The following PARD3 variants were observed in gnomAD, a reference collection of about 807,000 sequenced individuals.
The protein encoded by PARD3 is par-3 family cell polarity regulator, also known as partitioning defective 3 homolog.
In PARD3, 75 loss-of-function variants were observed where a neutral mutation model predicts 155.4. The ratio of observed to expected loss-of-function variants is 0.48; its 90% CI spans 0.40 to 0.58. The LOEUF is 0.58. PARD3 is among the 20% of genes least tolerant of loss of function. The pLI, the probability that PARD3 is intolerant of heterozygous loss-of-function variation, is 0.00. For missense variants in PARD3, 1,642 were observed against 1,721.7 expected (o/e 0.95, Z 0.82); for synonymous variants, 576 against 610.5 (o/e 0.94, Z 0.83).
intron 1 of PARD3, among the ~76,000 whole-genome samples, chr10:34,701,550 G>A (rs867652578): frequency 6.6e-6 from 1 of 152,118 alleles, no homozygotes; most frequent in African/African-American, 2.4e-5. Context: ...CAACAGAGCC[G>A]GTAAGAGGCT....
chr10:34,799,687 G>A (rs1842660086), intron 1 of PARD3, among the ~76,000 whole-genome samples: 1 of 152,134 alleles, frequency 6.6e-6, no homozygotes, highest in Non-Finnish European at 1.5e-5. Context: ...TGAAGTTAGA[G>A]TCTGCCAAAG....
chr10:34,251,673 T>C lies in PARD3; in HGVS notation c.3419+17984A>G, dbSNP rs1205397008. ...TCCCCCTCTCTCTCTCTCTCAAAAC[T>C]ATACAAGTTCTAAGAAACCTACAAG... On this transcript the variant is annotated intron_variant, in intron 22 of 24. Transcript: ENST00000374788. 3.3e-5 allele frequency among the ~76,000 whole-genome samples: 5 copies of C among 152,204 alleles called. No homozygotes were observed. In the East Asian group the frequency reaches 5.8e-4, roughly 18 times the overall value.
At chr10:34,780,358 C>T (rs1840100525) in intron 1 of PARD3, among the ~76,000 whole-genome samples, 1 of 152,116 alleles carries the variant, frequency 6.6e-6, no homozygotes, top group African/African-American at 2.4e-5. Context: ...TCTCAAAACA[C>T]GTTTGTAATG....
At chr10:34,785,650 T>C (rs1350044271) in intron 1 of PARD3, among the ~76,000 whole-genome samples, 3 of 152,072 alleles carry the variant, frequency 2.0e-5, no homozygotes, top group African/African-American at 2.4e-5. Context: ...GGTGGGAGGA[T>C]TGCCTGAGCC....
At chr10:34,730,990 A>G (rs1248699452) in intron 1 of PARD3, among the ~76,000 whole-genome samples, 1 of 152,176 alleles carries the variant, frequency 6.6e-6, no homozygotes, top group East Asian at 1.9e-4. Flanking sequence ...TAAGTACACA[A>G]CATTGTGCCC....
At chr10:34,615,984 G>T in intron 2 of PARD3, among the ~76,000 whole-genome samples, 1 of 152,162 alleles carries the variant, frequency 6.6e-6, no homozygotes, top group African/African-American at 2.4e-5. Context: ...CTCTTCTTGT[G>T]CACCCCTGGT....
At chr10:34,409,247 G>C (rs1336530106) in intron 5 of PARD3, among the ~76,000 whole-genome samples, 2 of 152,024 alleles carry the variant, frequency 1.3e-5, no homozygotes, top group Non-Finnish European at 2.9e-5. Context: ...TCTAACCACA[G>C]AGAACAACAA....
intron 22 of PARD3, among the ~76,000 whole-genome samples, chr10:34,213,710 C>T (rs1951864713): frequency 6.6e-6 from 1 of 152,012 alleles, no homozygotes; most frequent in African/African-American, 2.4e-5. Context: ...TACATGATAC[C>T]AGGGATAAAG....
intron 10 of PARD3, among the ~76,000 whole-genome samples, 165 bp downstream of exon 10, chr10:34,377,802 A>AAT: frequency 6.6e-6 from 1 of 152,160 alleles, no homozygotes; most frequent in South Asian, 2.1e-4. Flanking sequence ...ATAAAAAATA[A>AAT]CATGGAAAAT....
At chr10:34,256,161 C>T (rs1251972125) in intron 22 of PARD3, among the ~76,000 whole-genome samples, 1 of 152,218 alleles carries the variant, frequency 6.6e-6, no homozygotes, top group Non-Finnish European at 1.5e-5. Flanking sequence ...GCTAATTATT[C>T]ACTAATTCAG....
At chr10:34,550,355 G>A (rs531105924) in intron 2 of PARD3, among the ~76,000 whole-genome samples, 1 of 152,208 alleles carries the variant, frequency 6.6e-6, no homozygotes, top group Non-Finnish European at 1.5e-5. Flanking sequence ...GGGACTACAG[G>A]TGTGTACCAC....
At chr10:34,719,715 C>T (rs2133716345) in intron 1 of PARD3, among the ~76,000 whole-genome samples, 1 of 152,326 alleles carries the variant, frequency 6.6e-6, no homozygotes, top group Admixed American at 6.5e-5. Flanking sequence ...TAAAGCCAAC[C>T]AGAGATTTGG....
chr10:34,745,596 T>G (rs1386057974), intron 1 of PARD3, among the ~76,000 whole-genome samples: 2 of 152,112 alleles, frequency 1.3e-5, no homozygotes, highest in African/African-American at 4.8e-5. Context: ...AATCCTCAGA[T>G]GAACCATCAC....
At chr10:34,232,897 C>T (rs561915806) in intron 22 of PARD3, among the ~76,000 whole-genome samples, 4 of 151,992 alleles carry the variant, frequency 2.6e-5, no homozygotes, top group East Asian at 1.9e-4. Context: ...GACGAGATCT[C>T]GCTATGTTGC....
Position 34,360,205 on chromosome 10 carries a change from T to G in PARD3, c.1762A>C (p.Thr588Pro). The change falls in exon 13 of 25, where the codon ACA becomes CCA. Residue 588 changes from threonine (T) to proline (P), a missense_variant. Physicochemically the swap from Thr to Pro is conservative, Grantham distance 38 (BLOSUM62 -1). Around this residue, in one of 3 missense-constraint regions of PARD3, gnomAD observed 1,529 missense variants for 1,587.3 expected, o/e 0.96. Transcript: ENST00000374788. Reference protein sequence around the residue: ...LTPDGTREFLTFEVPLNDSGS... With the variant: ...LTPDGTREFLPFEVPLNDSGS... ...GAATCATTAAGTGGGACTTCAAATGTCAGAAATTCCCTGGTGCCATCAGGT... is the reference window on the plus strand; with the variant it reads ...GAATCATTAAGTGGGACTTCAAATGGCAGAAATTCCCTGGTGCCATCAGGT... The G allele has an allele frequency of 6.2e-7, 1 of 1,613,982 alleles. No individual in the cohort carries two copies. Among genetic ancestry groups the G allele is most frequent in the Non-Finnish European group, 8.5e-7 (1 of 1,179,842 alleles).
intron 1 of PARD3, among the ~76,000 whole-genome samples, chr10:34,742,234 C>T (rs2095031971): frequency 1.3e-5 from 2 of 152,160 alleles, no homozygotes; most frequent in South Asian, 4.1e-4. Flanking sequence ...ACAGAGTTTA[C>T]AAGGACAGGA....
chr10:34,726,891 C>T (rs1489717995), intron 1 of PARD3, among the ~76,000 whole-genome samples: 1 of 152,194 alleles, frequency 6.6e-6, no homozygotes, highest in East Asian at 1.9e-4. Context: ...CCTCTGACCA[C>T]AGAGCCCTCT....
At chr10:34,304,065 G>T (rs939442233) in intron 20 of PARD3, among the ~76,000 whole-genome samples, 2 of 152,098 alleles carry the variant, frequency 1.3e-5, no homozygotes, top group African/African-American at 4.8e-5. Flanking sequence ...AGAGGGCATT[G>T]TTTTAAAATC....
chr10:34,151,958 A>ACC (rs1014054535), intron 22 of PARD3, among the ~76,000 whole-genome samples: 2 of 149,100 alleles, frequency 1.3e-5, no homozygotes, highest in African/African-American at 5.2e-5. Context: ...CATATATAGT[A>ACC]CTAAGGAATT....
Sources: allele counts gnomAD v4.1 joint callset (sites outside exome capture counted in the v4.1 genomes callset), GRCh38; gene constraint gnomAD v4.1.1; regional missense constraint gnomAD v4.1.1; transcripts MANE v1.5; gene names NCBI Gene and HGNC (gene_info 2026-07-23, HGNC 2026-07-21).